Variants in FAM20C observed in about 807,000 individuals in gnomAD.
FAM20C encodes the protein FAM20C golgi associated secretory pathway kinase.
In FAM20C, 40 loss-of-function variants were observed where a neutral mutation model predicts 51.5. The ratio of observed to expected loss-of-function variants is 0.78; its 90% CI spans 0.60 to 1.01. The LOEUF is 1.01. Among genes scored for constraint, FAM20C ranks in the 50% least tolerant of loss-of-function variants. The pLI, the probability that FAM20C is intolerant of heterozygous loss-of-function variation, is 0.00. For missense variants in FAM20C, 861 were observed against 844.7 expected (o/e 1.02, Z -0.24); for synonymous variants, 406 against 380.6 (o/e 1.07, Z -0.78).
intron 3 of FAM20C, chr7:229,278 G>T: frequency 4.2e-6 from 1 of 235,950 alleles, no homozygotes; most frequent in Non-Finnish European, 8.5e-6. Flanking sequence ...TGGGAACTTT[G>T]CTGCAATGTG....
intron 1 of FAM20C, 152 bp from the exon 2 acceptor site, chr7:195,402 T>G (rs895369569): frequency 1.8e-5 from 11 of 608,578 alleles, no homozygotes; most frequent in Non-Finnish European, 2.5e-5. Flanking sequence ...GCGCAGACGT[T>G]GCAGGGCCCT....
chr7:226,406 C>T (rs914258157), intron 3 of FAM20C, among the ~76,000 whole-genome samples: 2 of 152,152 alleles, frequency 1.3e-5, no homozygotes, highest in South Asian at 2.1e-4. Flanking sequence ...CTCAGAGGGG[C>T]GTGCCACAAG....
chr7:227,791 T>C (rs1218072499), intron 3 of FAM20C: 1 of 152,342 alleles, frequency 6.6e-6, no homozygotes, highest in East Asian at 1.9e-4. Context: ...CGTTTGCTTT[T>C]GAAATAAAGT....
intron 2 of FAM20C, among the ~76,000 whole-genome samples, chr7:200,433 C>T (rs1049700342): frequency 8.5e-5 from 13 of 152,334 alleles, no homozygotes. Context: ...ATAGCTCAGT[C>T]CGCACTCAAC....
intron 3 of FAM20C, among the ~76,000 whole-genome samples, chr7:210,224 C>A (rs1048928506): frequency 7.0e-6 from 1 of 142,320 alleles, no homozygotes; most frequent in Admixed American, 7.1e-5. Context: ...CCCAGCCCTG[C>A]GGGGGGCCTG....
Position 240,352 on chromosome 7 carries a change from AG to A in FAM20C, c.864-6061del, listed in dbSNP as rs1787901736. ...GAGGTGATGATTATGATGTTGATAAAGGATGATAATGATGGTGGAGGTGATG... is the reference window on the plus strand; with the variant it reads ...GAGGTGATGATTATGATGTTGATAAAGATGATAATGATGGTGGAGGTGATG... On this transcript the variant is annotated intron_variant, in intron 3 of 9. Coordinates refer to ENST00000313766, the MANE Select transcript of FAM20C (RefSeq NM_020223.4). Among the ~76,000 whole-genome samples the A allele has an allele frequency of 2.1e-3, 287 of 134,918 alleles. 33 individuals carry two copies. Among genetic ancestry groups the A allele is most frequent in the African/African-American group, 8.2e-3 (279 of 33,952 alleles). 88.5% of individuals were successfully genotyped at this position (134,918 alleles called of 152,430 possible). A position where few individuals can be genotyped will look rare whatever the true frequency, so the allele number is the denominator to read the frequency against.
chr7:213,631 C>T (rs190656798), intron 3 of FAM20C, among the ~76,000 whole-genome samples: 10 of 152,116 alleles, frequency 6.6e-5, no homozygotes, highest in Admixed American at 2.6e-4. Flanking sequence ...TTTGAGCAAC[C>T]GTGTATGAGG....
chr7:241,996 C>T (rs1384573723), intron 3 of FAM20C, among the ~76,000 whole-genome samples: 3 of 152,168 alleles, frequency 2.0e-5, no homozygotes, highest in Non-Finnish European at 4.4e-5. Context: ...AGCATCCAGG[C>T]CCAGCCCCAT....
At chr7:229,244 C>T in intron 3 of FAM20C, 2 of 237,980 alleles carry the variant, frequency 8.4e-6, no homozygotes, top group Non-Finnish European at 1.7e-5. Flanking sequence ...AGGCAGCCCC[C>T]TTTTCTGTGA....
At chr7:217,428 A>AC (rs71016859) in intron 3 of FAM20C, among the ~76,000 whole-genome samples, 49 of 151,762 alleles carry the variant, frequency 3.2e-4, no homozygotes, top group Admixed American at 7.2e-4. Flanking sequence ...GTAGAGCTGC[A>AC]TTTGGCTGTT....
chr7:234,699 A>G (rs1472065226), intron 3 of FAM20C, among the ~76,000 whole-genome samples: 1 of 152,180 alleles, frequency 6.6e-6, no homozygotes, highest in Non-Finnish European at 1.5e-5. Flanking sequence ...TAGGAAGAAC[A>G]GAAAGGCGGG....
At chr7:198,026 C>T (rs1785962851) in intron 2 of FAM20C, among the ~76,000 whole-genome samples, 1 of 152,212 alleles carries the variant, frequency 6.6e-6, no homozygotes, top group Non-Finnish European at 1.5e-5. Flanking sequence ...GTGGCCTCCG[C>T]CTGGGTGTGT....
chr7:245,868 C>G (rs558398421), intron 3 of FAM20C: 1 of 152,838 alleles, frequency 6.5e-6, no homozygotes, highest in Admixed American at 6.5e-5. Flanking sequence ...GCCCACATTG[C>G]CCTTCTTGGG....
At chr7:241,205 C>T (rs1056068784) in intron 3 of FAM20C, among the ~76,000 whole-genome samples, 17 of 152,114 alleles carry the variant, frequency 1.1e-4, no homozygotes, top group Non-Finnish European at 2.4e-4. Flanking sequence ...GGGCTTTCAG[C>T]CCAGCTGTGG....
intron 4 of FAM20C, among the ~76,000 whole-genome samples, chr7:247,784 G>C (rs749236438): frequency 3.9e-5 from 6 of 152,196 alleles, no homozygotes; most frequent in African/African-American, 1.4e-4. Flanking sequence ...ACAGGTGGAG[G>C]GGGAGGGTGC....
intron 3 of FAM20C, chr7:228,472 T>C: frequency 2.2e-6 from 1 of 455,216 alleles, no homozygotes; most frequent in Non-Finnish European, 4.4e-6. Flanking sequence ...CAGTGTGGGG[T>C]CAACAAGCCA....
intron 3 of FAM20C, among the ~76,000 whole-genome samples, chr7:237,739 T>C (rs1329040373): frequency 2.2e-5 from 1 of 45,882 alleles, no homozygotes; most frequent in East Asian, 1.2e-3. Flanking sequence ...GTAATGATGG[T>C]AGATGATGAT....
chr7:209,244 T>G (rs1447285407), intron 3 of FAM20C, among the ~76,000 whole-genome samples: 1 of 152,192 alleles, frequency 6.6e-6, no homozygotes, highest in Non-Finnish European at 1.5e-5. Context: ...TAAGCATTTG[T>G]ATTTTAAACA....
chr7:237,133 G>A (rs939347497), intron 3 of FAM20C, among the ~76,000 whole-genome samples: 1 of 152,236 alleles, frequency 6.6e-6, no homozygotes, highest in Admixed American at 6.5e-5. Context: ...AGAACTGCTT[G>A]TTCTGTGAAC....
Sources: allele counts gnomAD v4.1 joint callset (sites outside exome capture counted in the v4.1 genomes callset), GRCh38; gene constraint gnomAD v4.1.1; transcripts MANE v1.5; gene names NCBI Gene and HGNC (gene_info 2026-07-23, HGNC 2026-07-21).